Variants in SARS2 observed in about 807,000 individuals in gnomAD.
The protein encoded by SARS2 is serine--tRNA ligase, mitochondrial.
In SARS2, 52 loss-of-function variants were observed where a neutral mutation model predicts 66.8. The observed-to-expected ratio is 0.78, with a 90% confidence interval of 0.62 to 0.98. SARS2 has a LOEUF of 0.98. SARS2 is among the 50% of genes least tolerant of loss of function. The pLI is 0.00. For synonymous variants in SARS2, 306 were observed against 281.4 expected (o/e 1.09, Z -0.87); for missense variants, 673 against 706.3 (o/e 0.95, Z 0.53).
intron 6 of SARS2, 80 bp from the exon 7 acceptor site, chr19:38,919,947 G>T: frequency 7.1e-7 from 1 of 1,410,250 alleles, no homozygotes; most frequent in Non-Finnish European, 9.9e-7. Context: ...GGGGGAAGAG[G>T]CCCGGCTGCT....
intron 1 of SARS2, among the ~76,000 whole-genome samples, chr19:38,929,830 T>G (rs977682073): frequency 2.0e-5 from 3 of 152,218 alleles, no homozygotes; most frequent in Non-Finnish European, 4.4e-5. Flanking sequence ...CCACTATCGT[T>G]AGCACCTCAA....
chr19:38,926,239 T>C lies in SARS2; in HGVS notation c.329A>G (p.Lys110Arg). 6.2e-7 allele frequency: 1 copy of C among 1,606,918 alleles called. No individual in the cohort carries two copies. ...QEQIRSLEEE[K>R]AAVTEAVRAL... ...CCGCACTGCCTCAGTCACAGCTGCC[T>C]TCTCTTCCTCCAGGCTCCGGATCTG... Residue 110 changes from lysine to arginine, a missense_variant, in exon 2 of 16, where the codon AAG becomes AGG. Physicochemically the swap from Lys to Arg is conservative, Grantham distance 26. Coordinates refer to ENST00000221431, the MANE Select transcript of SARS2 (RefSeq NM_017827.4).
At position 38,930,578 on chromosome 19, in the gene SARS2, G is replaced by A. The variant is rs752438892; in HGVS notation, c.159C>T (p.Ser53=). Residue 53 remains serine, a synonymous_variant, in exon 1 of 16, where the codon AGC becomes AGT. Coordinates refer to ENST00000221431, the MANE Select transcript of SARS2 (RefSeq NM_017827.4). ...LLYEYAREGY[S]ALPQLDIERF... The stretch of plus-strand genomic sequence containing the variant: ...GCTCTATGTCCAGCTGAGGGAGTGC[G>A]CTGTAGCCCTCGCGCGCATACTCGT... The A allele has an allele frequency of 8.1e-6, 13 of 1,613,996 alleles. No individual in the cohort carries two copies. The highest frequency in any genetic ancestry group is 1.1e-5 in the Non-Finnish European group (13 of 1,180,006).
intron 7 of SARS2, among the ~76,000 whole-genome samples, chr19:38,919,270 G>A (rs936388874): frequency 1.3e-5 from 2 of 152,228 alleles, no homozygotes; most frequent in African/African-American, 4.8e-5. Flanking sequence ...CTGGGTGACA[G>A]AGCGAGACTC....
intron 7 of SARS2, 67 bp from the exon 8 acceptor site, chr19:38,918,880 G>A (rs962736528): frequency 1.1e-5 from 17 of 1,480,268 alleles, no homozygotes; most frequent in Non-Finnish European, 1.6e-5. Flanking sequence ...CAGCCCTGAA[G>A]AAGGGGTGCT....
In SARS2 at chr19:38,921,424, G is replaced by A. The variant is rs750491838; in HGVS notation, c.557C>T (p.Ala186Val). The A allele has an allele frequency of 1.2e-6, 2 of 1,613,858 alleles. No homozygotes were observed. Reference protein sequence around the residue: ...PDVPVGDESQARVLHMVGDKP... With the variant: ...PDVPVGDESQVRVLHMVGDKP... ...GTCTCCGACCATGTGGAGCACTCGA[G>A]CCTGGCTCTCATCCCCGACGGGCTG... is the stretch of plus-strand genomic sequence containing the variant. Residue 186 changes from alanine to valine, a missense_variant, in exon 5 of 16, where the codon GCT (alanine) becomes GTT (valine). By Grantham distance (64) the Ala-to-Val change is moderately conservative. Transcript: ENST00000221431.
At chr19:38,925,923 TCTCCTGCCTCA>T (rs766507936) in intron 2 of SARS2, among the ~76,000 whole-genome samples, 1 of 152,122 alleles carries the variant, frequency 6.6e-6, no homozygotes, top group South Asian at 2.1e-4. Context: ...TTCAAGCGAT[TCTCCTGCCTCA>T]GCCTCCCAAG....
At position 38,920,136 on chromosome 19, in the gene SARS2, T is replaced by A; in HGVS notation, c.603A>T (p.Gln201His). ...MVGDKPVFSF[Q>H]PRGHLEIGEK... ...CGCCAATTTCCAGGTGGCCCCGAGGTTGGAAGGAGAAAACTGGATGTGGGT... is the reference window on the plus strand; with the variant it reads ...CGCCAATTTCCAGGTGGCCCCGAGGATGGAAGGAGAAAACTGGATGTGGGT... Residue 201 changes from glutamine (Q) to histidine (H), a missense_variant, in exon 6 of 16, where the codon CAA (glutamine) becomes CAT (histidine). Physicochemically the swap from Gln to His is conservative, Grantham distance 24. Coordinates refer to ENST00000221431, the MANE Select transcript of SARS2 (RefSeq NM_017827.4). 1 of 1,560,034 alleles carries A rather than the reference T, an allele frequency of 6.4e-7. No homozygotes were observed. Among genetic ancestry groups the A allele is most frequent in the Non-Finnish European group, 8.7e-7 (1 of 1,151,466 alleles).
In SARS2 at chr19:38,930,617, G is replaced by T. The variant is rs766448244; in HGVS notation, c.120C>A (p.Asn40Lys). 1 of 1,614,122 alleles carries T rather than the reference G, an allele frequency of 6.2e-7. No homozygotes were observed. Among genetic ancestry groups the T allele is most frequent in the Non-Finnish European group, 8.5e-7 (1 of 1,180,034 alleles). ...PRRSFTTEKR[N>K]RNLLYEYARE... ...GCGCATACTCGTACAGGAGGTTCCG[G>T]TTTCGTTTCTCTGTAGTGAAACTTC... Residue 40 changes from asparagine to lysine, a missense_variant, in exon 1 of 16, where the codon AAC (asparagine) becomes AAA (lysine). Physicochemically the swap from Asn to Lys is moderately conservative, Grantham distance 94. Transcript: ENST00000221431.
At position 38,920,103 on chromosome 19, in the gene SARS2, G is replaced by A. The variant is rs377675680; in HGVS notation, c.636C>T (p.Leu212=). 2.1e-5 allele frequency: 33 copies of A among 1,561,338 alleles called. No individual in the cohort carries two copies. Among genetic ancestry groups the A allele is most frequent in the Non-Finnish European group, 2.8e-5 (32 of 1,152,176 alleles). Residue 212 remains leucine, a synonymous_variant, in exon 6 of 16, where the codon CTC becomes CTT. Coordinates refer to ENST00000221431, the MANE Select transcript of SARS2 (RefSeq NM_017827.4). ...GGGCTCACTTCTGACGGATGATGTCGAGTTTCTCGCCAATTTCCAGGTGGC... is the reference window on the plus strand; with the variant it reads ...GGGCTCACTTCTGACGGATGATGTCAAGTTTCTCGCCAATTTCCAGGTGGC... ...PRGHLEIGEK[L]DIIRQKRLSH...
chr19:38,920,713 GCA>G (rs1449572643), intron 5 of SARS2, among the ~76,000 whole-genome samples: 1 of 117,086 alleles, frequency 8.5e-6, no homozygotes, highest in African/African-American at 3.3e-5. Context: ...AGACAGACAC[GCA>G]CACACAGATA....
At chr19:38,921,191 G>A (rs2144770743) in intron 5 of SARS2, among the ~76,000 whole-genome samples, 1 of 152,284 alleles carries the variant, frequency 6.6e-6, no homozygotes, top group Admixed American at 6.5e-5. Flanking sequence ...AATGGTGAAG[G>A]GGGAGAGAAT....
At chr19:38,929,568 A>T (rs1974693780) in intron 1 of SARS2, among the ~76,000 whole-genome samples, 1 of 151,788 alleles carries the variant, frequency 6.6e-6, no homozygotes, top group African/African-American at 2.4e-5. Flanking sequence ...ATCTCAAAAA[A>T]AAAAAAAAAA....
chr19:38,916,213 G>C lies in SARS2; in HGVS notation c.1254+8C>G, dbSNP rs1411785371. On this transcript the variant is annotated splice_region_variant and intron_variant, in intron 13 of 15. Coordinates refer to ENST00000221431, the MANE Select transcript of SARS2 (RefSeq NM_017827.4). ...TGCCCACCCCGTCCCCAGCGGCACA[G>C]GGCTCACCTCTCCAAAGCGGCCTCG... 10 of 1,613,866 alleles carry C rather than the reference G, an allele frequency of 6.2e-6. No homozygotes were observed. Among genetic ancestry groups the C allele is most frequent in the Non-Finnish European group, 7.6e-6 (9 of 1,179,912 alleles).
Position 38,915,543 on chromosome 19 carries a change from T to C in SARS2, c.*63A>G, listed in dbSNP as rs894609409. 5.6e-5 allele frequency: 88 copies of C among 1,584,212 alleles called. No individual in the cohort carries two copies. Among genetic ancestry groups the C allele is most frequent in the Non-Finnish European group, 7.1e-5 (83 of 1,164,198 alleles). On this transcript the variant is annotated 3_prime_UTR_variant, in exon 16 of 16. Coordinates refer to ENST00000221431, the MANE Select transcript of SARS2 (RefSeq NM_017827.4). Reference sequence around the variant, plus strand: ...CGGGCTCAGCAACACAGGTCCCAGGTGTCCGGGGTCTCCTGAACTCCAGGA... The same window carrying C: ...CGGGCTCAGCAACACAGGTCCCAGGCGTCCGGGGTCTCCTGAACTCCAGGA...
At chr19:38,922,086 C>T in intron 3 of SARS2, 152 bp downstream of exon 3, 2 of 1,597,898 alleles carry the variant, frequency 1.3e-6, no homozygotes, top group Non-Finnish European at 1.7e-6. Flanking sequence ...CACCTGAAGC[C>T]AGTTTTAGTT....
chr19:38,921,662 G>C lies in SARS2; in HGVS notation c.399C>G (p.Pro133=). The change falls in exon 4 of 16, where the codon CCC becomes CCG. Residue 133 remains proline (P), a synonymous_variant. Transcript: ENST00000221431. The stretch of plus-strand genomic sequence containing the variant: ...CACGTGCCCGCAGACCCTGGTACTT[G>C]GGGTCCTGGGGGCAGCACAGGTGGG... ...NQDSGEVQQD[P]KYQGLRARGR... is the part of the protein sequence containing the mutation. 6.2e-7 allele frequency: 1 copy of C among 1,614,104 alleles called. No individual in the cohort carries two copies. The highest frequency in any genetic ancestry group is 8.5e-7 in the Non-Finnish European group (1 of 1,179,998).
intron 1 of SARS2, among the ~76,000 whole-genome samples, chr19:38,929,311 T>C (rs1460866638): frequency 3.3e-5 from 5 of 150,912 alleles, no homozygotes; most frequent in Non-Finnish European, 7.4e-5. Context: ...TCTCAGCATT[T>C]TGGGAGGCCA....
chr19:38,926,932 A>ATT (rs771202609), intron 1 of SARS2, among the ~76,000 whole-genome samples: 36 of 138,954 alleles, frequency 2.6e-4, no homozygotes, highest in Admixed American at 5.8e-4. Context: ...CCTCTAAGAA[A>ATT]TTTTTTTTTT....
Sources: allele counts gnomAD v4.1 joint callset (sites outside exome capture counted in the v4.1 genomes callset), GRCh38; gene constraint gnomAD v4.1.1; transcripts MANE v1.5; gene names NCBI Gene and HGNC (gene_info 2026-07-23, HGNC 2026-07-21).